NOP14: variants seen among roughly 807,000 people sequenced by gnomAD.
NOP14 encodes the protein nucleolar protein 14.
NOP14 carries 57 observed loss-of-function variants against 101.6 expected under a neutral mutation model. That is an observed-to-expected ratio of 0.56 (90% CI 0.45 to 0.70). The LOEUF is 0.70. Among genes scored for constraint, NOP14 ranks in the 30% least tolerant of loss-of-function variants. The probability of loss-of-function intolerance (pLI) is 0.00; values close to 1 mark genes in which losing one functional copy is unlikely to be tolerated. For missense variants in NOP14, 1,134 were observed against 1,075.5 expected (o/e 1.05, Z -0.76); for synonymous variants, 428 against 424.0 (o/e 1.01, Z -0.12).
chr4:2,951,898 A>T (rs1325593259), intron 6 of NOP14, among the ~76,000 whole-genome samples: 1 of 152,234 alleles, frequency 6.6e-6, no homozygotes, highest in Non-Finnish European at 1.5e-5. Context: ...ACCTGAGGTC[A>T]GGAGTTCAAG....
At chr4:2,955,115 G>A (rs1715258624) in intron 3 of NOP14, among the ~76,000 whole-genome samples, 1 of 137,298 alleles carries the variant, frequency 7.3e-6, no homozygotes, top group Non-Finnish European at 1.6e-5. Flanking sequence ...CTAGTCACCT[G>A]CGCCACAGCG....
chr4:2,941,924 G>T, intron 14 of NOP14, 195 bp from the exon 15 acceptor site: 1 of 684,420 alleles, frequency 1.5e-6, no homozygotes, highest in Non-Finnish European at 2.4e-6. Context: ...AGGAGGGGAG[G>T]CTGTGGGAAC....
At position 2,963,302 on chromosome 4, in the gene NOP14, C is replaced by G. The variant is rs1451516715; in HGVS notation, c.18G>C (p.Lys6Asn). 1.3e-6 allele frequency: 2 copies of G among 1,587,804 alleles called. No homozygotes were observed. Among genetic ancestry groups the G allele is most frequent in the African/African-American group, 2.8e-5 (2 of 71,934 alleles). Residue 6 changes from lysine (K) to asparagine (N), a missense_variant, in exon 1 of 18, where the codon AAG (lysine) becomes AAC (asparagine). Physicochemically the swap from Lys to Asn is moderately conservative, Grantham distance 94 (BLOSUM62 0). Coordinates refer to ENST00000416614, the MANE Select transcript of NOP14 (RefSeq NM_001291978.2). ...CGGAGGCCTTCCTTCGCGCCCCGAC[C>G]TTCTTCGCCTTCGCCATGGCGCGCG... MAKAKKVGARRKASGA... is the reference protein window; with the variant it reads MAKAKNVGARRKASGA...
chr4:2,941,971 G>A (rs1244375870), intron 14 of NOP14: 3 of 639,350 alleles, frequency 4.7e-6, no homozygotes, highest in Non-Finnish European at 7.9e-6. Context: ...TCCATTTTTG[G>A]TTCCAAATTA....
chr4:2,961,120 ATAT>A lies in NOP14; in HGVS notation c.195+2002_195+2004del, dbSNP rs1264490673. On this transcript the variant is annotated intron_variant, in intron 1 of 17. Transcript: ENST00000416614. ...ATATTAATATTTTAATAATATATTA[ATAT>A]TATAATAATATATTAATATACTAAT... Among the ~76,000 whole-genome samples, 325 of 97,508 alleles carry A rather than the reference ATAT, an allele frequency of 3.3e-3. 4 individuals are homozygous for A. The highest frequency in any genetic ancestry group is 0.014 in the African/African-American group (272 of 19,952). The allele number at this position is 97,508 out of a possible 152,430, so 64.0% of individuals were successfully genotyped here. A position where few individuals can be genotyped will look rare whatever the true frequency, so the allele number is the denominator to read the frequency against.
intron 1 of NOP14, among the ~76,000 whole-genome samples, chr4:2,960,708 T>C (rs1281501421): frequency 7.5e-6 from 1 of 134,050 alleles, no homozygotes. Flanking sequence ...TTAATATTAA[T>C]ATATTAATAT....
At position 2,942,349 on chromosome 4, in the gene NOP14, A is replaced by C; in HGVS notation, c.1894T>G (p.Ser632Ala). ...IATPNKASQG[S>A]TLVHPFRALG... ...GCTCTGAAAGGGTGCACCAGAGTGG[A>C]ACCTGAATTCCAAGTGCGACAGGAC... Residue 632 changes from serine to alanine, a missense_variant and splice_region_variant, in exon 14 of 18, where the codon TCC (serine) becomes GCC (alanine). Transcript: ENST00000416614. The C allele has an allele frequency of 6.2e-7, 1 of 1,612,970 alleles. No individual in the cohort carries two copies.
chr4:2,939,457 C>T, intron 16 of NOP14, 70 bp downstream of exon 16: 1 of 1,595,174 alleles, frequency 6.3e-7, no homozygotes, highest in Non-Finnish European at 8.6e-7. Flanking sequence ...GCAGAACTGG[C>T]AGACGCCCCC....
rs1205667771 is a variant in NOP14 at position 2,960,846 on chromosome 4, CACATTATCAATATATTAATATTATAATT to C, written c.195+2251_195+2278del. Among the ~76,000 whole-genome samples, 92 of 72,618 alleles carry C rather than the reference CACATTATCAATATATTAATATTATAATT, an allele frequency of 1.3e-3. 4 individuals are homozygous for C. The highest frequency in any genetic ancestry group is 4.8e-3 in the African/African-American group (75 of 15,552). 47.6% of individuals were successfully genotyped at this position (72,618 alleles called of 152,430 possible). ...ATTATCAATATATTAATATTATAAT[CACATTATCAATATATTAATATTATAATT>C]ACATTATTATTATATTATTATATCA... On this transcript the variant is annotated intron_variant, in intron 1 of 17. Coordinates refer to ENST00000416614, the MANE Select transcript of NOP14 (RefSeq NM_001291978.2).
chr4:2,960,679 T>C (rs1447519742), intron 1 of NOP14, among the ~76,000 whole-genome samples: 2 of 134,300 alleles, frequency 1.5e-5, no homozygotes, highest in South Asian at 2.2e-4. Context: ...ATTAATATTA[T>C]ATTAATATTA....
At chr4:2,950,451 C>T (rs1359876640) in intron 7 of NOP14, 6 of 563,670 alleles carry the variant, frequency 1.1e-5, no homozygotes, top group African/African-American at 5.6e-5. Flanking sequence ...ATGCTGGGCG[C>T]GGTTCAGCTT....
intron 1 of NOP14, among the ~76,000 whole-genome samples, chr4:2,962,133 T>C (rs1427988104): frequency 6.6e-6 from 1 of 152,234 alleles, no homozygotes; most frequent in Non-Finnish European, 1.5e-5. Context: ...TGCTGTGTGC[T>C]CTATGTGCTA....
At position 2,938,799 on chromosome 4, in the gene NOP14, T is replaced by C; in HGVS notation, c.*32A>G. The C allele has an allele frequency of 6.4e-7, 1 of 1,557,864 alleles. No individual in the cohort carries two copies. The highest frequency in any genetic ancestry group is 8.8e-7 in the Non-Finnish European group (1 of 1,130,210). On this transcript the variant is annotated 3_prime_UTR_variant, in exon 18 of 18. Coordinates refer to ENST00000416614, the MANE Select transcript of NOP14 (RefSeq NM_001291978.2). ...TTGGAATTGCAGATGTGAGGTAATG[T>C]CCAGTTCCTTGCCTTATTTATAAAA...
chr4:2,956,905 T>A, intron 2 of NOP14, 94 bp from the exon 3 acceptor site: 2 of 1,116,280 alleles, frequency 1.8e-6, no homozygotes. Context: ...TCCATTATAT[T>A]TGAAATATGA....
chr4:2,956,992 T>C (rs982848135), intron 2 of NOP14, among the ~76,000 whole-genome samples, 181 bp from the exon 3 acceptor site: 5 of 152,062 alleles, frequency 3.3e-5, no homozygotes, highest in African/African-American at 1.2e-4. Context: ...GAAATGAAAC[T>C]CATGGAGGGT....
Position 2,960,951 on chromosome 4 carries a change from T to C in NOP14, c.195+2174A>G, listed in dbSNP as rs28715260. Reference sequence around the variant, plus strand: ...TATTTTAATATTATATCAATATTATTATATTAATATTATATCAATATTATA... The same window carrying C: ...TATTTTAATATTATATCAATATTATCATATTAATATTATATCAATATTATA... On this transcript the variant is annotated intron_variant, in intron 1 of 17. Transcript: ENST00000416614. Among the ~76,000 whole-genome samples, 35 of 51,816 alleles carry C rather than the reference T, an allele frequency of 6.8e-4. 2 individuals carry two copies. The highest frequency in any genetic ancestry group is 3.2e-3 in the African/African-American group (34 of 10,546). 34.0% of individuals were successfully genotyped at this position (51,816 alleles called of 152,430 possible).
chr4:2,940,079 G>C (rs1428807184), intron 15 of NOP14, among the ~76,000 whole-genome samples: 1 of 152,274 alleles, frequency 6.6e-6, no homozygotes, highest in African/African-American at 2.4e-5. Flanking sequence ...GGGGGGCCGT[G>C]TGCATGCTAG....
At position 2,947,570 on chromosome 4, in the gene NOP14, A is replaced by G; in HGVS notation, c.1455T>C (p.Ala485=). 14 of 1,614,164 alleles carry G rather than the reference A, an allele frequency of 8.7e-6. No individual in the cohort carries two copies. Among genetic ancestry groups the G allele is most frequent in the Non-Finnish European group, 1.1e-5 (13 of 1,180,012 alleles). ...GFLLEYVGDL[A]TDDPPDLTVI... is the part of the protein sequence containing the mutation. ...CTGTGAGGTCTGGTGGGTCATCTGTAGCCAAATCGCCAACGTATTCCAAAA... is the reference window on the plus strand; with the variant it reads ...CTGTGAGGTCTGGTGGGTCATCTGTGGCCAAATCGCCAACGTATTCCAAAA... Residue 485 remains alanine (A), a synonymous_variant, in exon 10 of 18, where the codon GCT becomes GCC. Coordinates refer to ENST00000416614, the MANE Select transcript of NOP14 (RefSeq NM_001291978.2).
rs527795682 is a variant in NOP14 at position 2,954,220 on chromosome 4, C to CA, written c.612+203dup. ...TCTCAAAATAAAACAAAACATAAAC[C>CA]AAAAAAAGGCAAAAGAACCAAAACC... On this transcript the variant is annotated intron_variant, in intron 4 of 17. Transcript: ENST00000416614. Among the ~76,000 whole-genome samples, 17 of 152,010 alleles carry CA rather than the reference C, an allele frequency of 1.1e-4. No homozygotes were observed. The East Asian group carries it at 3.1e-3, about 28-fold the overall frequency.
Sources: gnomAD v4.1 joint callset for allele counts (sites outside exome capture counted in the v4.1 genomes callset) on GRCh38, gnomAD v4.1.1 for gene constraint, MANE v1.5 for transcripts, NCBI Gene and HGNC (gene_info 2026-07-23, HGNC 2026-07-21) for gene names.